NSUN7: variants seen among roughly 807,000 people sequenced by gnomAD.
The protein encoded by NSUN7 is NOP2/Sun RNA methyltransferase family member 7, also known as protein NSUN7.
NSUN7 carries 39 observed loss-of-function variants against 58.5 expected under a neutral mutation model. The observed-to-expected ratio is 0.67, with a 90% CI of 0.52 to 0.87. The LOEUF (loss-of-function observed/expected upper bound fraction) is 0.87. NSUN7 is among the 40% of genes least tolerant of loss of function. The pLI, the probability that NSUN7 is intolerant of heterozygous loss-of-function variation, is 0.00. For synonymous variants in NSUN7, 278 were observed against 303.7 expected, an observed-to-expected ratio of 0.92 and a Z score of 0.88; for missense variants, 765 against 844.1, an observed-to-expected ratio of 0.91 and a Z score of 1.16.
At chr4:40,806,102 C>A (rs973616939) in intron 10 of NSUN7, among the ~76,000 whole-genome samples, 6 of 152,154 alleles carry the variant, frequency 3.9e-5, no homozygotes, top group Admixed American at 3.9e-4. Context: ...TCAAGCAATT[C>A]TCTTGCCTCA....
In NSUN7 at chr4:40,799,073, C is replaced by CTTT. The variant is rs761448412; in HGVS notation, c.1400+196_1400+198dup. On this transcript the variant is annotated intron_variant, in intron 10 of 11. Coordinates refer to ENST00000381782, the MANE Select transcript of NSUN7 (RefSeq NM_024677.6). ...AACCAAGATTCCATAGGGCCTTTTTCTTTTTTTTTTTTTTTTTTTTTTTTT... is the reference window on the plus strand; with the variant it reads ...AACCAAGATTCCATAGGGCCTTTTTCTTTTTTTTTTTTTTTTTTTTTTTTTTTT... 6.6e-5 allele frequency among the ~76,000 whole-genome samples: 5 copies of CTTT among 76,206 alleles called. 1 individual carries two copies. The highest frequency in any genetic ancestry group is 3.5e-4 in the East Asian group (1 of 2,870). 50.0% of individuals were successfully genotyped at this position (76,206 alleles called of 152,430 possible).
intron 7 of NSUN7, chr4:40,786,523 T>A: frequency 6.2e-7 from 1 of 1,613,290 alleles, no homozygotes; most frequent in Non-Finnish European, 8.5e-7. Flanking sequence ...CAAACAAGAT[T>A]TGAAGAACTC....
At chr4:40,770,094 T>C (rs2437352) in intron 4 of NSUN7, among the ~76,000 whole-genome samples, 118,257 of 151,642 alleles carry the variant, frequency 0.78, 46,325 homozygotes, top group Admixed American at 0.83. Flanking sequence ...CCTGTAATCC[T>C]ACCTACTTGG....
rs749078025 is a variant in NSUN7 at position 40,774,329 on chromosome 4, TA to T, written c.554del (p.Tyr185SerfsTer13). On this transcript the variant is annotated frameshift_variant, in exon 5 of 12. Transcript: ENST00000381782. LOFTEE classifies it high-confidence loss of function. ...AATCAAGCATGATGCCCTTTCAATT[TA>T]CCACATCCTTCCAGAAACAGTTAGG... The part of the protein sequence containing the change: ...CRIKHDALSI[Y>X]HILPETVRKQ... 7 of 1,614,078 alleles carry T rather than the reference TA, an allele frequency of 4.3e-6. No individual in the cohort carries two copies. The South Asian group carries it at 6.6e-5, about 15-fold the overall frequency.
chr4:40,768,889 G>T (rs1274362227), intron 4 of NSUN7, among the ~76,000 whole-genome samples: 1 of 152,186 alleles, frequency 6.6e-6, no homozygotes, highest in East Asian at 1.9e-4. Context: ...ACTGTTGTGA[G>T]GCAGCAATTG....
At chr4:40,768,842 C>G (rs959808137) in intron 4 of NSUN7, among the ~76,000 whole-genome samples, 21 of 152,140 alleles carry the variant, frequency 1.4e-4, no homozygotes, top group African/African-American at 4.3e-4. Flanking sequence ...GCCTTTCCAC[C>G]AGCCCAATAA....
chr4:40,768,036 T>C (rs985552074), intron 4 of NSUN7, among the ~76,000 whole-genome samples: 4 of 152,152 alleles, frequency 2.6e-5, no homozygotes, highest in African/African-American at 9.7e-5. Flanking sequence ...GCCAATTCCC[T>C]GTAGCCAATG....
At position 40,808,391 on chromosome 4, in the gene NSUN7, A is replaced by G. The variant is rs1309713870; in HGVS notation, c.1609A>G (p.Lys537Glu). The part of the protein sequence containing the change: ...KGLLDGIELG[K>E]SSKREKKKKK... ...TCTGCTGGATGGGATTGAGTTGGGT[A>G]AATCATCAAAACGGGAGAAGAAGAA... The change falls in exon 12 of 12, where the codon AAA becomes GAA. Residue 537 changes from lysine to glutamate, a missense_variant. Transcript: ENST00000381782. The G allele has an allele frequency of 6.2e-7, 1 of 1,614,180 alleles. No individual in the cohort carries two copies. The highest frequency in any genetic ancestry group is 8.5e-7 in the Non-Finnish European group (1 of 1,180,030).
At chr4:40,759,235 C>T (rs1173308337) in intron 2 of NSUN7, among the ~76,000 whole-genome samples, 11 of 151,948 alleles carry the variant, frequency 7.2e-5, no homozygotes, top group Non-Finnish European at 7.4e-5. Flanking sequence ...CATTTGAACC[C>T]GGGAGGTGGA....
intron 10 of NSUN7, among the ~76,000 whole-genome samples, 187 bp downstream of exon 10, chr4:40,799,091 T>TTTTTG (rs1743460716): frequency 2.8e-5 from 4 of 141,788 alleles, no homozygotes; most frequent in Middle Eastern, 3.5e-3. Context: ...TTTTTTTTTT[T>TTTTTG]TTTTTTTTTT....
intron 7 of NSUN7, among the ~76,000 whole-genome samples, chr4:40,779,870 CAAT>C (rs113568143): frequency 5.9e-5 from 9 of 152,094 alleles, no homozygotes; most frequent in African/African-American, 1.9e-4. Flanking sequence ...TATATTAAGT[CAAT>C]GATGTTTGCT....
intron 7 of NSUN7, among the ~76,000 whole-genome samples, chr4:40,778,961 A>C (rs1265190440): frequency 6.6e-6 from 1 of 152,216 alleles, no homozygotes; most frequent in African/African-American, 2.4e-5. Flanking sequence ...AGATATTCTC[A>C]GACAAATAAG....
Position 40,750,870 on chromosome 4 carries a change from CGAA to C in NSUN7, c.178_180del (p.Glu60del). The C allele has an allele frequency of 6.2e-7, 1 of 1,614,196 alleles. No homozygotes were observed. The highest frequency in any genetic ancestry group is 8.5e-7 in the Non-Finnish European group (1 of 1,180,046). On this transcript the variant is annotated inframe_deletion, in exon 2 of 12. Coordinates refer to ENST00000381782, the MANE Select transcript of NSUN7 (RefSeq NM_024677.6). ...CCAACATTTTTCAGGGTATTCGAATCGAAAAGTCGGCACAGAAAGTCTTAATCA... is the reference window on the plus strand; with the variant it reads ...CCAACATTTTTCAGGGTATTCGAATCAAGTCGGCACAGAAAGTCTTAATCA...
At position 40,790,749 on chromosome 4, in the gene NSUN7, C is replaced by T. The variant is rs1345632224; in HGVS notation, c.1180+4C>T. Reference sequence around the variant, plus strand: ...TTTATTTTAAATGAACATGAAGGTACTTGTTTTAATTTCTAAATTATTGAA... The same window carrying T: ...TTTATTTTAAATGAACATGAAGGTATTTGTTTTAATTTCTAAATTATTGAA... On this transcript the variant is annotated splice_donor_region_variant and intron_variant, in intron 8 of 11. Coordinates refer to ENST00000381782, the MANE Select transcript of NSUN7 (RefSeq NM_024677.6). 40 of 1,562,608 alleles carry T rather than the reference C, an allele frequency of 2.6e-5. No individual in the cohort carries two copies. Among genetic ancestry groups the T allele is most frequent in the Non-Finnish European group, 3.4e-5 (39 of 1,158,082 alleles).
intron 2 of NSUN7, among the ~76,000 whole-genome samples, chr4:40,757,695 A>G (rs944083749): frequency 4.6e-5 from 6 of 131,232 alleles, no homozygotes; most frequent in East Asian, 4.2e-4. Context: ...CACACTGTGT[A>G]TATATATACA....
chr4:40,761,448 A>C (rs1741460530), intron 4 of NSUN7, 147 bp downstream of exon 4: 2 of 671,502 alleles, frequency 3.0e-6, no homozygotes, highest in Non-Finnish European at 4.7e-6. Context: ...ATTTCTTTAC[A>C]AACAGTCTTG....
At chr4:40,755,380 G>A (rs538948145) in intron 2 of NSUN7, among the ~76,000 whole-genome samples, 22 of 152,180 alleles carry the variant, frequency 1.4e-4, no homozygotes, top group African/African-American at 4.6e-4. Context: ...GAGCCACCGT[G>A]CCTGGCCTAA....
At chr4:40,773,514 C>T (rs1161641528) in intron 4 of NSUN7, among the ~76,000 whole-genome samples, 1 of 152,010 alleles carries the variant, frequency 6.6e-6, no homozygotes, top group African/African-American at 2.4e-5. Context: ...GAAACCCCAT[C>T]TGTACTAAAA....
chr4:40,768,788 G>T (rs2154287271), intron 4 of NSUN7, among the ~76,000 whole-genome samples: 1 of 152,014 alleles, frequency 6.6e-6, no homozygotes, highest in Non-Finnish European at 1.5e-5. Flanking sequence ...GTGTGACCAG[G>T]TTAAAAAAAG....
Sources: allele counts gnomAD v4.1 joint callset (sites outside exome capture counted in the v4.1 genomes callset), GRCh38; gene constraint gnomAD v4.1.1; transcripts MANE v1.5; gene names NCBI Gene and HGNC (gene_info 2026-07-23, HGNC 2026-07-21).